The following SERPINB8 variants were observed in gnomAD, a reference collection of about 807,000 sequenced individuals.
The protein encoded by SERPINB8 is serpin family B member 8.
A neutral mutation model predicts 35.3 loss-of-function variants in SERPINB8; 25 were observed. That is an observed-to-expected ratio of 0.71 (90% CI 0.52 to 0.99). SERPINB8 has a LOEUF of 0.99. Ranked by LOEUF, SERPINB8 falls within the 50% of genes least tolerant of loss-of-function variation. The pLI is 0.00. For synonymous variants in SERPINB8, 186 were observed against 160.8 expected (o/e 1.16, Z -1.19); for missense variants, 484 against 446.5 (o/e 1.08, Z -0.76).
chr18:63,971,817 G>A (rs191835571), intron 1 of SERPINB8, among the ~76,000 whole-genome samples: 1 of 152,180 alleles, frequency 6.6e-6, no homozygotes, highest in East Asian at 1.9e-4. Flanking sequence ...GTGGCATAAG[G>A]GTCCGTCCTA....
At chr18:63,982,964 G>T (rs1490242105) in intron 4 of SERPINB8, among the ~76,000 whole-genome samples, 1 of 151,314 alleles carries the variant, frequency 6.6e-6, no homozygotes, top group Non-Finnish European at 1.5e-5. Flanking sequence ...CCCATTGACA[G>T]ATCTGTGTTC....
At chr18:64,015,430 G>A (rs1031206362) in intron 7 of SERPINB8, among the ~76,000 whole-genome samples, 2 of 152,144 alleles carry the variant, frequency 1.3e-5, no homozygotes, top group Non-Finnish European at 2.9e-5. Context: ...GGTTTGCCTA[G>A]ATGATCCCTA....
At chr18:64,000,262 T>A (rs976306594) in intron 1 of SERPINB8, among the ~76,000 whole-genome samples, 3 of 152,228 alleles carry the variant, frequency 2.0e-5, no homozygotes, top group Non-Finnish European at 2.9e-5. Context: ...TTTGGAAACA[T>A]TTCAATGATG....
At chr18:64,004,953 A>G in exon 2 of SERPINB8, 1 of 398,004 alleles carries the variant, frequency 2.5e-6, no homozygotes, top group Non-Finnish European at 4.4e-6. Flanking sequence ...ACTCTCTAAA[A>G]GAGGCAATGT....
chr18:64,011,839 C>T (rs1332257633), intron 7 of SERPINB8, among the ~76,000 whole-genome samples: 3 of 152,140 alleles, frequency 2.0e-5, no homozygotes, highest in Non-Finnish European at 4.4e-5. Context: ...GGCAGCCACC[C>T]TCCTTACAAG....
intron 3 of SERPINB8, among the ~76,000 whole-genome samples, chr18:63,980,478 C>G (rs1002922381): frequency 6.6e-6 from 1 of 152,186 alleles, no homozygotes; most frequent in Non-Finnish European, 1.5e-5. Context: ...AATCATGCCA[C>G]CTGATATGCA....
chr18:63,981,865 T>G (rs781708388), intron 4 of SERPINB8, 27 bp downstream of exon 4: 7 of 1,502,308 alleles, frequency 4.7e-6, no homozygotes, highest in Middle Eastern at 1.7e-4. Context: ...TCTGTTGATT[T>G]GGAATTACTA....
downstream of SERPINB8, among the ~76,000 whole-genome samples, chr18:63,989,942 C>CAG (rs2050814061): frequency 3.6e-5 from 1 of 27,882 alleles, no homozygotes; most frequent in Non-Finnish European, 7.3e-5. Flanking sequence ...GACTCTGTCT[C>CAG]AAAAAAAAAA....
rs1199450049 is a variant in SERPINB8 at position 63,983,635 on chromosome 18, C to CT, written c.483dup (p.Val162CysfsTer12). Reference sequence around the variant, plus strand: ...AGTCGATCCCCTGACAAAGCTGGTCCTTGTGAATGCCATTTATTTCAAGGG... The same window carrying CT: ...AGTCGATCCCCTGACAAAGCTGGTCCTTTGTGAATGCCATTTATTTCAAGGG... On this transcript the variant is annotated frameshift_variant, in exon 5 of 7. Coordinates refer to ENST00000397985, the MANE Select transcript of SERPINB8 (RefSeq NM_002640.4). LOFTEE classifies it high-confidence loss of function. The CT allele has an allele frequency of 6.2e-7, 1 of 1,613,614 alleles. No individual in the cohort carries two copies. Among genetic ancestry groups the CT allele is most frequent in the East Asian group, 2.2e-5 (1 of 44,880 alleles).
At chr18:63,980,772 C>T (rs1400183840) in intron 3 of SERPINB8, among the ~76,000 whole-genome samples, 1 of 152,228 alleles carries the variant, frequency 6.6e-6, no homozygotes, top group African/African-American at 2.4e-5. Context: ...TTCCTGGTGG[C>T]TTGGCTCCTC....
In SERPINB8 at chr18:63,971,523, A is replaced by G. The variant is rs546322897; in HGVS notation, c.-11+1353A>G. Among the ~76,000 whole-genome samples the G allele has an allele frequency of 7.2e-5, 11 of 152,352 alleles. No homozygotes were observed. In the South Asian group the frequency reaches 1.9e-3, roughly 26 times the overall value. ...CACGACCCACCCTGAGTATGAATTTATAACAGCTAGGCGCCTCGGGACTGG... is the reference window on the plus strand; with the variant it reads ...CACGACCCACCCTGAGTATGAATTTGTAACAGCTAGGCGCCTCGGGACTGG... On this transcript the variant is annotated intron_variant, in intron 1 of 6. Coordinates refer to ENST00000397985, the MANE Select transcript of SERPINB8 (RefSeq NM_002640.4).
chr18:63,977,251 G>A (rs2050596077), intron 1 of SERPINB8, among the ~76,000 whole-genome samples: 1 of 152,018 alleles, frequency 6.6e-6, no homozygotes, highest in South Asian at 2.1e-4. Flanking sequence ...CTCTAAAGTG[G>A]GGCAATAACT....
Position 63,981,853 on chromosome 18 carries a change from T to G in SERPINB8, c.424+15T>G, listed in dbSNP as rs771385259. 5.2e-6 allele frequency: 8 copies of G among 1,549,360 alleles called. No individual in the cohort carries two copies. The African/African-American group carries it at 1.1e-4, about 21-fold the overall frequency. On this transcript the variant is annotated intron_variant, in intron 4 of 6. Transcript: ENST00000397985. Reference sequence around the variant, plus strand: ...GAAGACTGAAGGTGAGACAGTTTCATTTCTGTTGATTTGGAATTACTATAC... The same window carrying G: ...GAAGACTGAAGGTGAGACAGTTTCAGTTCTGTTGATTTGGAATTACTATAC...
In SERPINB8 at chr18:63,987,338, T is replaced by C; in HGVS notation, c.*60T>C. ...TCTACCTATCTTGCCTTAATTAACA[T>C]TCCCTGTGACCTAGTTGGTGCAGTG... On this transcript the variant is annotated 3_prime_UTR_variant, in exon 7 of 7. Coordinates refer to ENST00000397985, the MANE Select transcript of SERPINB8 (RefSeq NM_002640.4). 4.0e-6 allele frequency: 6 copies of C among 1,509,818 alleles called. 1 individual carries two copies. The South Asian group carries it at 7.6e-5, about 19-fold the overall frequency. 93.5% of individuals were successfully genotyped at this position (1,509,818 alleles called of 1,614,324 possible). A position where few individuals can be genotyped will look rare whatever the true frequency, so the allele number is the denominator to read the frequency against.
intron 4 of SERPINB8, 48 bp from the exon 5 acceptor site, chr18:63,983,531 A>G (rs1210145636): frequency 6.3e-7 from 1 of 1,587,050 alleles, no homozygotes; most frequent in Non-Finnish European, 8.6e-7. Flanking sequence ...TTTGTAAAAG[A>G]ATGCTTATTT....
downstream of SERPINB8, among the ~76,000 whole-genome samples, chr18:64,006,652 G>A (rs1209467011): frequency 5.9e-5 from 9 of 152,192 alleles, no homozygotes; most frequent in Non-Finnish European, 8.8e-5. Flanking sequence ...TGGAAGTAGC[G>A]TGGGGTAATT....
At chr18:63,979,662 C>T (rs568369578) in intron 2 of SERPINB8, 139 bp from the exon 3 acceptor site, 10 of 967,914 alleles carry the variant, frequency 1.0e-5, no homozygotes, top group South Asian at 7.9e-5. Flanking sequence ...CGTTGAGAAA[C>T]CCTGTGCTAG....
chr18:64,007,140 G>A (rs1465899782), downstream of SERPINB8, among the ~76,000 whole-genome samples: 4 of 151,736 alleles, frequency 2.6e-5, no homozygotes, highest in Non-Finnish European at 5.9e-5. Flanking sequence ...TGAAAAAGGA[G>A]ACATAATTAT....
intron 1 of SERPINB8, among the ~76,000 whole-genome samples, chr18:63,998,026 T>C (rs1321684426): frequency 6.6e-6 from 1 of 152,204 alleles, no homozygotes; most frequent in Non-Finnish European, 1.5e-5. Flanking sequence ...CCTGGATCTG[T>C]ATGCATGAAC....
Sources: gnomAD v4.1 joint callset for allele counts (sites outside exome capture counted in the v4.1 genomes callset) on GRCh38, gnomAD v4.1.1 for gene constraint, MANE v1.5 for transcripts, NCBI Gene and HGNC (gene_info 2026-07-23, HGNC 2026-07-21) for gene names.